The following XPNPEP2 variants were observed in gnomAD, a reference collection of about 807,000 sequenced individuals.
XPNPEP2 encodes X-prolyl aminopeptidase 2, also known as xaa-Pro aminopeptidase 2.
A neutral mutation model predicts 59.8 loss-of-function variants in XPNPEP2; 64 were observed. The observed-to-expected ratio is 1.07, with a 90% CI of 0.87 to 1.32. The LOEUF is 1.32. Among genes scored for constraint, XPNPEP2 ranks in the 40% most tolerant of loss-of-function variants. The pLI is 0.00. For synonymous variants in XPNPEP2, 235 were observed against 210.0 expected (o/e 1.12, Z -1.03); for missense variants, 575 against 546.8 (o/e 1.05, Z -0.51).
chrX:129,740,161 T>C (rs969513277), intron 1 of XPNPEP2, among the ~76,000 whole-genome samples: 2 of 112,995 alleles, frequency 1.8e-5, no homozygotes, highest in African/African-American at 6.4e-5. Context: ...TGTTAGCATA[T>C]CAGTGCCAAC....
intron 19 of XPNPEP2, among the ~76,000 whole-genome samples, chrX:129,766,818 TG>T (rs1926759023): frequency 9.0e-6 from 1 of 111,689 alleles, no homozygotes; most frequent in African/African-American, 3.3e-5. Flanking sequence ...GGGGAGGCCT[TG>T]GGAAACTTAT....
chrX:129,740,112 T>C (rs1355670570), intron 1 of XPNPEP2, among the ~76,000 whole-genome samples: 1 of 113,000 alleles, frequency 8.8e-6, no homozygotes, highest in Non-Finnish European at 1.9e-5. Flanking sequence ...CATATTCTGG[T>C]GTCCAGAGAG....
In XPNPEP2 at chrX:129,765,635, C is replaced by CTTT. The variant is rs56014067; in HGVS notation, c.1741-1948_1741-1946dup. On this transcript the variant is annotated intron_variant, in intron 19 of 20. Coordinates refer to ENST00000371106, the MANE Select transcript of XPNPEP2 (RefSeq NM_003399.6). ...TATTTCTTTTTTTCTTTCTTTCTTTCTTTTTTTTTTTTTTTTTTTTTTGAT... is the reference window on the plus strand; with the variant it reads ...TATTTCTTTTTTTCTTTCTTTCTTTCTTTTTTTTTTTTTTTTTTTTTTTTTGAT... Among the ~76,000 whole-genome samples the CTTT allele has an allele frequency of 6.8e-3, 459 of 67,195 alleles. 6 individuals carry two copies. The highest frequency in any genetic ancestry group is 0.014 in the African/African-American group (230 of 16,735). The allele number at this position is 67,195 out of a possible 115,157, so 58.4% of individuals were successfully genotyped here.
chrX:129,766,974 G>A (rs1420845675), intron 19 of XPNPEP2, among the ~76,000 whole-genome samples: 1 of 111,430 alleles, frequency 9.0e-6, no homozygotes, highest in Non-Finnish European at 1.9e-5. Context: ...AGCACTTTGG[G>A]AAGCTGAGGT....
chrX:129,744,590 T>G (rs936002464), intron 3 of XPNPEP2, among the ~76,000 whole-genome samples: 1 of 112,007 alleles, frequency 8.9e-6, no homozygotes, highest in Non-Finnish European at 1.9e-5. Context: ...ACCAGCCCAT[T>G]TGGAAGAGAG....
At chrX:129,751,516 G>C (rs1376268080) in intron 8 of XPNPEP2, among the ~76,000 whole-genome samples, 1 of 85,474 alleles carries the variant, frequency 1.2e-5, no homozygotes, top group African/African-American at 4.3e-5. Flanking sequence ...AGAAAGAAAA[G>C]AAAGAAAAAG....
At chrX:129,739,528 G>A (rs758992588) in intron 1 of XPNPEP2, among the ~76,000 whole-genome samples, 13 of 112,032 alleles carry the variant, frequency 1.2e-4, no homozygotes, top group South Asian at 1.1e-3. Context: ...TAAGACTACC[G>A]CATTGCAATA....
chrX:129,747,456 G>T (rs201809965), intron 6 of XPNPEP2, 151 bp from the exon 7 acceptor site: 1 of 719,229 alleles, frequency 1.4e-6, no homozygotes, highest in Non-Finnish European at 2.1e-6. Flanking sequence ...TACATGCCGG[G>T]GGTGGGGGGT....
intron 17 of XPNPEP2, 99 bp from the exon 18 acceptor site, chrX:129,761,907 C>A: frequency 2.4e-6 from 2 of 839,864 alleles, no homozygotes; most frequent in Non-Finnish European, 3.6e-6. Flanking sequence ...CATAGAGATG[C>A]TCTGGGATCC....
At chrX:129,739,361 T>G (rs1019602523) in intron 1 of XPNPEP2, 99 bp downstream of exon 1, 1 of 884,569 alleles carries the variant, frequency 1.1e-6, no homozygotes, top group African/African-American at 2.0e-5. Flanking sequence ...TCTCTTTTTC[T>G]GTTGCTTCCT....
At chrX:129,746,448 G>A in intron 5 of XPNPEP2, 108 bp downstream of exon 5, 1 of 956,046 alleles carries the variant, frequency 1.0e-6, no homozygotes, top group Non-Finnish European at 1.5e-6. Flanking sequence ...TCTATGGGGA[G>A]CTTAGGAAAT....
At chrX:129,768,230 C>T (rs1397609569) in intron 20 of XPNPEP2, 61 bp from the exon 21 acceptor site, 2 of 1,098,552 alleles carry the variant, frequency 1.8e-6, no homozygotes, top group South Asian at 2.3e-5. Context: ...TGGGCGTCAC[C>T]AAGACTTCAC....
chrX:129,757,046 A>C (rs1926535337), intron 14 of XPNPEP2, among the ~76,000 whole-genome samples: 1 of 98,102 alleles, frequency 1.0e-5, no homozygotes, highest in Non-Finnish European at 2.0e-5. Context: ...ACATATATAT[A>C]TACACACACA....
At chrX:129,750,445 T>G in intron 7 of XPNPEP2, 23 bp from the exon 8 acceptor site, 1 of 1,167,308 alleles carries the variant, frequency 8.6e-7, no homozygotes, top group South Asian at 1.9e-5. Context: ...ACTTACACTT[T>G]TTTGGGGCTC....
intron 3 of XPNPEP2, among the ~76,000 whole-genome samples, chrX:129,744,904 C>A (rs1926265107): frequency 1.8e-5 from 2 of 112,080 alleles, no homozygotes; most frequent in African/African-American, 6.5e-5. Context: ...ATAGAATTTG[C>A]AGGGCAGGGC....
At position 129,742,120 on chromosome X, in the gene XPNPEP2, G is replaced by A. The variant is rs1926196787; in HGVS notation, c.62G>A (p.Gly21Asp). ...TCCCGGCTTCTAGCTTGTGCCTGGGGCCACACAAAGCCAGTGGACCTTGGA... is the reference window on the plus strand; with the variant it reads ...TCCCGGCTTCTAGCTTGTGCCTGGGACCACACAAAGCCAGTGGACCTTGGA... ...WLVLLCACAW[G>D]HTKPVDLGGQ... The change falls in exon 2 of 21, where the codon GGC becomes GAC. Residue 21 changes from glycine to aspartate, a missense_variant. Transcript: ENST00000371106. 14 of 1,208,240 alleles carry A rather than the reference G, an allele frequency of 1.2e-5. No individual in the cohort carries two copies. The highest frequency in any genetic ancestry group is 4.4e-5 in the Admixed American group (2 of 45,776).
chrX:129,745,748 T>C (rs1452157335), intron 4 of XPNPEP2, among the ~76,000 whole-genome samples: 1 of 111,792 alleles, frequency 8.9e-6, no homozygotes, highest in African/African-American at 3.3e-5. Context: ...ACCGTGATCC[T>C]GGCCCATTGA....
chrX:129,749,285 T>C (rs988654672), intron 7 of XPNPEP2, among the ~76,000 whole-genome samples: 1 of 111,463 alleles, frequency 9.0e-6, no homozygotes, highest in African/African-American at 3.3e-5. Flanking sequence ...AGGGTTTCCT[T>C]TGGGGATGAA....
intron 19 of XPNPEP2, among the ~76,000 whole-genome samples, chrX:129,765,592 T>G: frequency 1.8e-5 from 2 of 109,438 alleles, no homozygotes; most frequent in Non-Finnish European, 3.8e-5. Context: ...CATGGTATTC[T>G]ATTGTTGTTT....
Sources: allele counts gnomAD v4.1 joint callset (sites outside exome capture counted in the v4.1 genomes callset), GRCh38; gene constraint gnomAD v4.1.1; transcripts MANE v1.5; gene names NCBI Gene and HGNC (gene_info 2026-07-23, HGNC 2026-07-21).